Variants in HYDIN observed in about 807,000 individuals in gnomAD.
HYDIN encodes the protein HYDIN axonemal central pair apparatus protein, also known as axonemal central pair apparatus protein HYDIN.
A neutral mutation model predicts 403.9 loss-of-function variants in HYDIN; 132 were observed. The observed-to-expected ratio is 0.33, with a 90% CI of 0.28 to 0.38. HYDIN has a LOEUF of 0.38. HYDIN is among the 10% of genes least tolerant of loss of function. HYDIN has a pLI of 1.00. For missense variants in HYDIN, 2,827 were observed against 5,009.5 expected, an observed-to-expected ratio of 0.56 and a Z score of 13.15; for synonymous variants, 1,202 against 1,891.7, an observed-to-expected ratio of 0.64 and a Z score of 9.46.
At chr16:71,132,253 G>A (rs2144520168) in intron 8 of HYDIN, 1 of 24,314 alleles carries the variant, frequency 4.1e-5, no homozygotes, top group Admixed American at 4.4e-4. Context: ...TGACCTGGTT[G>A]CCTTTGCCTA....
In HYDIN at chr16:70,896,098, A is replaced by G; in HGVS notation, c.9049-18T>C. On this transcript the variant is annotated intron_variant, in intron 53 of 85. Transcript: ENST00000393567. The stretch of plus-strand genomic sequence containing the variant: ...TCTAAAACCTGGCAGGGAAAGGGAA[A>G]GTCTTCAGTAAAAGCAAGACCTATA... The G allele has an allele frequency of 6.2e-7, 1 of 1,613,824 alleles. No individual in the cohort carries two copies. Among genetic ancestry groups the G allele is most frequent in the East Asian group, 2.2e-5 (1 of 44,878 alleles).
chr16:71,196,185 TTA>T (rs2087691028), intron 1 of HYDIN, among the ~76,000 whole-genome samples: 1 of 152,216 alleles, frequency 6.6e-6, no homozygotes, highest in South Asian at 2.1e-4. Flanking sequence ...AAAGGCAATT[TTA>T]TGTGTCAACT....
At chr16:71,113,950 A>G (rs2083923961) in intron 10 of HYDIN, 2 of 151,036 alleles carry the variant, frequency 1.3e-5, no homozygotes, top group East Asian at 2.0e-4. Flanking sequence ...TTGTTCTTCA[A>G]TTTGGGATTG....
At chr16:71,219,911 T>C (rs138957311) in intron 1 of HYDIN, among the ~76,000 whole-genome samples, 1 of 152,184 alleles carries the variant, frequency 6.6e-6, no homozygotes, top group African/African-American at 2.4e-5. Context: ...AAGAAAAAGT[T>C]TGCCCTCAGG....
rs2078963991 is a variant in HYDIN at position 70,978,868 on chromosome 16, A to G, written c.4638+46T>C. 2.6e-6 allele frequency: 4 copies of G among 1,528,074 alleles called. No homozygotes were observed. The East Asian group carries it at 9.0e-5, about 34-fold the overall frequency. The allele number at this position is 1,528,074 out of a possible 1,614,324, so 94.7% of individuals were successfully genotyped here. A position where few individuals can be genotyped will look rare whatever the true frequency, so the allele number is the denominator to read the frequency against. Reference sequence around the variant, plus strand: ...CACAACTCCTATGCACTCTGCACGCACCACCCTCCTGCACAGGCGTCCCGT... The same window carrying G: ...CACAACTCCTATGCACTCTGCACGCGCCACCCTCCTGCACAGGCGTCCCGT... On this transcript the variant is annotated intron_variant, in intron 30 of 85. Coordinates refer to ENST00000393567, the MANE Select transcript of HYDIN (RefSeq NM_001270974.2).
chr16:70,881,325 T>C (rs371991518), intron 60 of HYDIN, among the ~76,000 whole-genome samples: 3 of 138,712 alleles, frequency 2.2e-5, no homozygotes, highest in South Asian at 4.5e-4. Context: ...GATTAGAGAA[T>C]AGGCCGGGTG....
intron 28 of HYDIN, among the ~76,000 whole-genome samples, chr16:70,982,894 A>ATTT (rs1192407396): frequency 6.9e-6 from 1 of 144,118 alleles, no homozygotes; most frequent in African/African-American, 2.6e-5. Context: ...TTAGAAATGA[A>ATTT]ATTTCTAGGT....
chr16:70,868,789 C>T lies in HYDIN; in HGVS notation c.11092-1G>A. 1.2e-6 allele frequency: 2 copies of T among 1,613,012 alleles called. No homozygotes were observed. Among genetic ancestry groups the T allele is most frequent in the Non-Finnish European group, 1.7e-6 (2 of 1,179,534 alleles). ...CACACCCAGGGTGGAGGTGGCCCAT[C>T]TAGGAAAGAGCCTGGTATTAGTATT... On this transcript the variant is annotated splice_acceptor_variant, in intron 65 of 85. Transcript: ENST00000393567. LOFTEE classifies it high-confidence loss of function.
Position 70,920,772 on chromosome 16 carries a change from C to A in HYDIN, c.7604G>T (p.Arg2535Leu). ...RLEREKAERE[R>L]LEKLRALEER... ...CTCCAGGGCTCGCAGCTTCTCCAGG[C>A]GCTCCCGCTCCGCCTTCTCCCTCTC... The change falls in exon 46 of 86, where the codon CGC becomes CTC. Residue 2535 changes from arginine to leucine, a missense_variant. By Grantham distance (102) the Arg-to-Leu change is moderately radical (BLOSUM62 -2). Transcript: ENST00000393567. The A allele has an allele frequency of 6.4e-7, 1 of 1,559,270 alleles. No individual in the cohort carries two copies. Among genetic ancestry groups the A allele is most frequent in the Non-Finnish European group, 8.7e-7 (1 of 1,150,986 alleles).
chr16:71,196,209 C>G (rs894557906), intron 1 of HYDIN, among the ~76,000 whole-genome samples: 1 of 152,128 alleles, frequency 6.6e-6, no homozygotes, highest in South Asian at 2.1e-4. Flanking sequence ...GACTGGGACA[C>G]GAGATGCCCA....
Position 70,807,416 on chromosome 16 carries a change from A to C in HYDIN, c.*164T>G. ...TTATAATGTTTAATATGGAATAGAT[A>C]TTTCATATCTATATTTGGAAAACAC... is the stretch of plus-strand genomic sequence containing the variant. On this transcript the variant is annotated 3_prime_UTR_variant, in exon 86 of 86. Transcript: ENST00000393567. 1.4e-6 allele frequency: 1 copy of C among 700,602 alleles called. No homozygotes were observed. The highest frequency in any genetic ancestry group is 2.3e-6 in the Non-Finnish European group (1 of 431,994). 43.4% of individuals were successfully genotyped at this position (700,602 alleles called of 1,614,324 possible).
rs374491308 is a variant in HYDIN, at chr16:71,027,483, C to G, written c.3042+119G>C. Reference sequence around the variant, plus strand: ...TACTATGGTAACTCAGGATTGTACACAATCCTTGAGAAACCATATCCTTCC... The same window carrying G: ...TACTATGGTAACTCAGGATTGTACAGAATCCTTGAGAAACCATATCCTTCC... On this transcript the variant is annotated intron_variant, in intron 20 of 85. Coordinates refer to ENST00000393567, the MANE Select transcript of HYDIN (RefSeq NM_001270974.2). 6.0e-5 allele frequency: 93 copies of G among 1,540,078 alleles called. No homozygotes were observed. The African/African-American group carries it at 1.1e-3, about 18-fold the overall frequency.
At chr16:70,875,100 A>G (rs1597190286) in intron 62 of HYDIN, among the ~76,000 whole-genome samples, 181 bp from the exon 63 acceptor site, 1 of 152,082 alleles carries the variant, frequency 6.6e-6, no homozygotes, top group Non-Finnish European at 1.5e-5. Context: ...AGAGGACAGA[A>G]GAACATTCAG....
chr16:71,145,821 A>G (rs2085345897), intron 7 of HYDIN, among the ~76,000 whole-genome samples: 1 of 152,036 alleles, frequency 6.6e-6, no homozygotes, highest in Admixed American at 6.6e-5. Context: ...CTGGGCTTCT[A>G]TTTGGGCTTC....
chr16:71,077,388 T>G (rs970605062), intron 13 of HYDIN, among the ~76,000 whole-genome samples: 2 of 152,104 alleles, frequency 1.3e-5, no homozygotes, highest in Non-Finnish European at 2.9e-5. Flanking sequence ...ATGATATTTT[T>G]CAATTATATT....
At chr16:70,863,499 A>T (rs1191774778) in intron 67 of HYDIN, among the ~76,000 whole-genome samples, 2 of 152,152 alleles carry the variant, frequency 1.3e-5, no homozygotes, top group Admixed American at 1.3e-4. Context: ...ATGAGAGAGG[A>T]AACAAAATCT....
intron 18 of HYDIN, among the ~76,000 whole-genome samples, chr16:71,048,761 T>C (rs951698708): frequency 6.6e-6 from 1 of 152,214 alleles, no homozygotes; most frequent in African/African-American, 2.4e-5. Flanking sequence ...AAACTATCTA[T>C]TGGGTATTAT....
In HYDIN at chr16:70,808,045, G is replaced by C. The variant is rs753823456; in HGVS notation, c.14901C>G (p.Phe4967Leu). ...CTGCATTAATGAGTTTTTCTGCGTG[G>C]AAGTCTGTACAGTCGGTCTGAAAGG... is the stretch of plus-strand genomic sequence containing the variant. ...EYYCRTDCTD[F>L]HAEKLINAAP... Residue 4967 changes from phenylalanine (F) to leucine (L), a missense_variant, in exon 86 of 86, where the codon TTC (phenylalanine) becomes TTG (leucine). By Grantham distance (22) the Phe-to-Leu change is conservative. Coordinates refer to ENST00000393567, the MANE Select transcript of HYDIN (RefSeq NM_001270974.2). 1 of 1,611,962 alleles carries C rather than the reference G, an allele frequency of 6.2e-7. No homozygotes were observed. The highest frequency in any genetic ancestry group is 1.1e-5 in the South Asian group (1 of 90,788).
intron 75 of HYDIN, among the ~76,000 whole-genome samples, chr16:70,843,176 A>G (rs1260892867): frequency 2.1e-4 from 27 of 130,694 alleles, no homozygotes; most frequent in African/African-American, 6.4e-4. Flanking sequence ...ATATCTCCCA[A>G]TGCTATCCCT....
Sources: allele counts gnomAD v4.1 joint callset (sites outside exome capture counted in the v4.1 genomes callset), GRCh38; gene constraint gnomAD v4.1.1; transcripts MANE v1.5; gene names NCBI Gene and HGNC (gene_info 2026-07-23, HGNC 2026-07-21).